Variants in OSBPL8 observed in about 807,000 individuals in gnomAD.
The protein encoded by OSBPL8 is oxysterol binding protein like 8.
In OSBPL8, 59 loss-of-function variants were observed where a neutral mutation model predicts 125.5. The ratio of observed to expected loss-of-function variants is 0.47; its 90% CI spans 0.38 to 0.58. OSBPL8 has a LOEUF of 0.58. Among genes scored for constraint, OSBPL8 ranks in the 20% least tolerant of loss-of-function variants. The pLI is 0.00. For missense variants in OSBPL8, 758 were observed against 1,047.8 expected, an observed-to-expected ratio of 0.72 and a Z score of 3.82; for synonymous variants, 330 against 338.9, an observed-to-expected ratio of 0.97 and a Z score of 0.29.
chr12:76,356,816 G>T, intron 22 of OSBPL8, 88 bp from the exon 23 acceptor site: 1 of 883,632 alleles, frequency 1.1e-6, no homozygotes, highest in Non-Finnish European at 1.7e-6. Context: ...ATTTTCCTGG[G>T]CATTTGTTTT....
chr12:76,452,958 T>C (rs1873591307), intron 3 of OSBPL8, among the ~76,000 whole-genome samples: 2 of 152,118 alleles, frequency 1.3e-5, no homozygotes, highest in African/African-American at 2.4e-5. Context: ...TTCTTCATGG[T>C]ACTTTTGATA....
intron 1 of OSBPL8, among the ~76,000 whole-genome samples, chr12:76,489,388 A>G (rs1032219460): frequency 6.6e-6 from 1 of 152,248 alleles, no homozygotes; most frequent in African/African-American, 2.4e-5. Flanking sequence ...CAGACTTCAA[A>G]GCTGCAAAGG....
At chr12:76,501,023 T>C (rs2137115488) in intron 1 of OSBPL8, among the ~76,000 whole-genome samples, 1 of 152,346 alleles carries the variant, frequency 6.6e-6, no homozygotes, top group Non-Finnish European at 1.5e-5. Flanking sequence ...CCAGTAACTT[T>C]GGTTAATAAA....
At chr12:76,465,693 C>T (rs186731932) in intron 2 of OSBPL8, among the ~76,000 whole-genome samples, 7 of 151,892 alleles carry the variant, frequency 4.6e-5, no homozygotes, top group African/African-American at 1.5e-4. Context: ...AATGAAATAG[C>T]AAGCATGTAG....
chr12:76,477,516 C>G lies in OSBPL8; in HGVS notation c.42+9994G>C, dbSNP rs906447210. Among the ~76,000 whole-genome samples, 9 of 152,128 alleles carry G rather than the reference C, an allele frequency of 5.9e-5. No homozygotes were observed. The East Asian group carries it at 1.4e-3, about 23-fold the overall frequency. ...AGGGATACTATGTAAAATAACTAAC[C>G]AGTAGCCCTCAAAACAGTCAAGGTT... On this transcript the variant is annotated intron_variant, in intron 2 of 23. Coordinates refer to ENST00000261183, the MANE Select transcript of OSBPL8 (RefSeq NM_020841.5).
chr12:76,396,906 C>G (rs954578786), intron 8 of OSBPL8, among the ~76,000 whole-genome samples: 1 of 152,004 alleles, frequency 6.6e-6, no homozygotes, highest in African/African-American at 2.4e-5. Context: ...CCTCGACCTC[C>G]CAAGCTTAAG....
chr12:76,432,053 GTAAGTAA>G (rs1870897781), intron 4 of OSBPL8, among the ~76,000 whole-genome samples: 1 of 152,050 alleles, frequency 6.6e-6, no homozygotes, highest in African/African-American at 2.4e-5. Flanking sequence ...GAACGAAACA[GTAAGTAA>G]TCAAGTAAAA....
chr12:76,433,204 C>T (rs1332287780), intron 4 of OSBPL8, among the ~76,000 whole-genome samples: 1 of 152,054 alleles, frequency 6.6e-6, no homozygotes, highest in African/African-American at 2.4e-5. Context: ...TTCCATTCAA[C>T]CTAGCATTGG....
At chr12:76,391,481 C>T (rs1452205432) in intron 10 of OSBPL8, among the ~76,000 whole-genome samples, 1 of 151,762 alleles carries the variant, frequency 6.6e-6, no homozygotes, top group Non-Finnish European at 1.5e-5. Context: ...GATCGTAGGT[C>T]TGCAAAGAAA....
At chr12:76,425,963 A>G (rs1481812328) in intron 4 of OSBPL8, among the ~76,000 whole-genome samples, 3 of 152,152 alleles carry the variant, frequency 2.0e-5, no homozygotes, top group African/African-American at 7.2e-5. Flanking sequence ...TGCTCAGTTT[A>G]TCTTCCAGCA....
intron 4 of OSBPL8, chr12:76,422,548 T>C: frequency 8.8e-6 from 4 of 456,566 alleles, no homozygotes; most frequent in Non-Finnish European, 1.8e-5. Context: ...ATCCTCCAAA[T>C]GAAGCATTCC....
At chr12:76,460,731 T>C (rs772508064) in intron 2 of OSBPL8, among the ~76,000 whole-genome samples, 7 of 152,210 alleles carry the variant, frequency 4.6e-5, no homozygotes, top group Non-Finnish European at 4.4e-5. Context: ...ATGTTGCCCA[T>C]GGACAAGTGC....
chr12:76,534,082 C>A (rs892118649), intron 1 of OSBPL8, among the ~76,000 whole-genome samples: 1 of 152,088 alleles, frequency 6.6e-6, no homozygotes, highest in African/African-American at 2.4e-5. Flanking sequence ...TATTTTGAAA[C>A]CAGGAACTGT....
chr12:76,431,563 G>A (rs1295396973), intron 4 of OSBPL8, among the ~76,000 whole-genome samples: 1 of 152,132 alleles, frequency 6.6e-6, no homozygotes, highest in African/African-American at 2.4e-5. Context: ...TTCTGAAAGG[G>A]CAGTGGTGGA....
chr12:76,474,493 T>C lies in OSBPL8; in HGVS notation c.42+13017A>G, dbSNP rs557433891. 1.1e-3 allele frequency among the ~76,000 whole-genome samples: 172 copies of C among 152,226 alleles called. 2 individuals are homozygous for C. The highest frequency in any genetic ancestry group is 1.6e-4 in the Non-Finnish European group (11 of 68,016). ...ATGTATAAAAATAATATTAATCTTT[T>C]TGGGGGGAGGCAGAGTCTCACTCTG... On this transcript the variant is annotated intron_variant, in intron 2 of 23. Coordinates refer to ENST00000261183, the MANE Select transcript of OSBPL8 (RefSeq NM_020841.5).
chr12:76,490,498 G>A (rs536809475), intron 1 of OSBPL8, among the ~76,000 whole-genome samples: 33 of 152,316 alleles, frequency 2.2e-4, no homozygotes, highest in African/African-American at 6.0e-4. Context: ...GCCTGATGGC[G>A]TAACTTCAGA....
intron 15 of OSBPL8, among the ~76,000 whole-genome samples, chr12:76,380,916 TGA>T (rs1296716402): frequency 6.6e-6 from 1 of 152,178 alleles, no homozygotes; most frequent in Admixed American, 6.5e-5. Flanking sequence ...CCTAGTTCCT[TGA>T]GGACTAAGAA....
intron 1 of OSBPL8, among the ~76,000 whole-genome samples, chr12:76,502,937 T>A (rs1880052139): frequency 6.6e-6 from 1 of 152,258 alleles, no homozygotes; most frequent in South Asian, 2.1e-4. Context: ...CTTATTGCTT[T>A]ATCATATAAG....
chr12:76,423,525 A>T (rs528806252), intron 4 of OSBPL8, among the ~76,000 whole-genome samples: 20 of 152,158 alleles, frequency 1.3e-4, no homozygotes, highest in Non-Finnish European at 2.2e-4. Flanking sequence ...CTTAAAAAAA[A>T]TTTTTTTTAA....
Sources: allele counts gnomAD v4.1 joint callset (sites outside exome capture counted in the v4.1 genomes callset), GRCh38; gene constraint gnomAD v4.1.1; transcripts MANE v1.5; gene names NCBI Gene and HGNC (gene_info 2026-07-23, HGNC 2026-07-21).